Variants in DCC observed in about 807,000 individuals in gnomAD.
DCC encodes netrin receptor DCC.
A neutral mutation model predicts 172.5 loss-of-function variants in DCC; 58 were observed. That is an observed-to-expected ratio of 0.34 (90% CI 0.27 to 0.42). The LOEUF (loss-of-function observed/expected upper bound fraction) is 0.42, where lower values mean the gene tolerates loss of function less well. Among genes scored for constraint, DCC ranks in the 10% least tolerant of loss-of-function variants. The pLI is 1.00. For synonymous variants in DCC, 709 were observed against 644.5 expected (o/e 1.10, Z -1.52); for missense variants, 1,740 against 1,791.0 (o/e 0.97, Z 0.51).
chr18:53,116,347 C>T lies in DCC; in HGVS notation c.1262-41009C>T, dbSNP rs188355260. Among the ~76,000 whole-genome samples the T allele has an allele frequency of 9.4e-4, 142 of 151,738 alleles. 1 individual carries two copies. The East Asian group carries it at 0.011, about 12-fold the overall frequency. ...AGGATTCCATTGTTTATTTGGGATA[C>T]GCCTTATGTAAATGGAGAGGAAGAA... is the stretch of plus-strand genomic sequence containing the variant. On this transcript the variant is annotated intron_variant, in intron 7 of 28. Transcript: ENST00000442544.
At chr18:52,658,373 T>C (rs1335800225) in intron 1 of DCC, among the ~76,000 whole-genome samples, 1 of 152,184 alleles carries the variant, frequency 6.6e-6, no homozygotes, top group Non-Finnish European at 1.5e-5. Flanking sequence ...AATGATCAAA[T>C]AGCCAAATTT....
intron 1 of DCC, among the ~76,000 whole-genome samples, chr18:52,549,651 T>G (rs528069602): frequency 6.6e-6 from 1 of 152,200 alleles, no homozygotes; most frequent in African/African-American, 2.4e-5. Context: ...TCATTTGAAT[T>G]GTTAATTTCA....
At chr18:53,227,922 C>T (rs1457876137) in intron 12 of DCC, among the ~76,000 whole-genome samples, 1 of 152,070 alleles carries the variant, frequency 6.6e-6, no homozygotes, top group Non-Finnish European at 1.5e-5. Flanking sequence ...GTTGAAGAGA[C>T]TCACACAAAA....
intron 8 of DCC, among the ~76,000 whole-genome samples, chr18:53,176,714 C>G (rs935598677): frequency 6.6e-6 from 1 of 151,634 alleles, no homozygotes; most frequent in Non-Finnish European, 1.5e-5. Context: ...AATAGGAACA[C>G]TTTTACACTG....
intron 7 of DCC, among the ~76,000 whole-genome samples, chr18:53,067,784 C>G (rs558034025): frequency 6.6e-6 from 1 of 152,262 alleles, no homozygotes; most frequent in East Asian, 1.9e-4. Context: ...CAGTTTTCTT[C>G]CTTTTGACAT....
intron 5 of DCC, among the ~76,000 whole-genome samples, chr18:53,007,139 G>A (rs997059607): frequency 4.6e-5 from 7 of 152,110 alleles, no homozygotes; most frequent in African/African-American, 1.7e-4. Context: ...TTTATACATA[G>A]AACAAAATTA....
At chr18:52,798,078 A>AAGGTTGCTTGCACAAAGGTTGCTTGCACG in intron 2 of DCC, among the ~76,000 whole-genome samples, 1 of 149,990 alleles carries the variant, frequency 6.7e-6, no homozygotes, top group Non-Finnish European at 1.5e-5. Flanking sequence ...TTGCTTGCAC[A>AAGGTTGCTTGCACAAAGGTTGCTTGCACG]AAGGCTACAC....
chr18:53,048,856 A>T (rs2042295774), intron 5 of DCC, among the ~76,000 whole-genome samples: 1 of 151,482 alleles, frequency 6.6e-6, no homozygotes, highest in African/African-American at 2.4e-5. Flanking sequence ...TTATTTTTTG[A>T]CTTTTTAATA....
At chr18:52,449,874 T>G (rs1278476231) in intron 1 of DCC, among the ~76,000 whole-genome samples, 2 of 152,182 alleles carry the variant, frequency 1.3e-5, no homozygotes, top group East Asian at 3.8e-4. Flanking sequence ...TGCTCTTCCT[T>G]CATCTTCTGC....
intron 1 of DCC, among the ~76,000 whole-genome samples, chr18:52,750,921 C>T (rs1009774610): frequency 5.3e-5 from 8 of 151,820 alleles, no homozygotes; most frequent in African/African-American, 1.7e-4. Flanking sequence ...AAGACTAAAA[C>T]ATAATTTAGG....
intron 16 of DCC, among the ~76,000 whole-genome samples, chr18:53,388,973 G>T (rs1908367449): frequency 6.6e-6 from 1 of 151,922 alleles, no homozygotes; most frequent in African/African-American, 2.4e-5. Context: ...TGTTTGAGAT[G>T]GAGTCTTGCT....
At chr18:52,541,413 AT>A (rs1175108676) in intron 1 of DCC, among the ~76,000 whole-genome samples, 3 of 152,192 alleles carry the variant, frequency 2.0e-5, no homozygotes, top group Non-Finnish European at 4.4e-5. Context: ...GTGGATTAAA[AT>A]TTTTAACCTC....
Position 53,107,546 on chromosome 18 carries a change from A to AAAG in DCC, c.1261+41382_1261+41383insGAA, listed in dbSNP as rs1228995507. ...CAAAAAAAAAAAAAAGGAAGGAAAA[A>AAAG]AAAAAAAAGAGGAAGACGTGGTTCC... is the stretch of plus-strand genomic sequence containing the variant. On this transcript the variant is annotated intron_variant, in intron 7 of 28. Transcript: ENST00000442544. 8.9e-4 allele frequency among the ~76,000 whole-genome samples: 134 copies of AAAG among 151,396 alleles called. 1 individual carries two copies. The highest frequency in any genetic ancestry group is 3.1e-3 in the African/African-American group (129 of 41,338).
chr18:52,981,506 C>A (rs1347046910), intron 5 of DCC, among the ~76,000 whole-genome samples: 1 of 151,796 alleles, frequency 6.6e-6, no homozygotes, highest in East Asian at 1.9e-4. Context: ...GGCCTGTTTT[C>A]TTTTCCATTC....
intron 1 of DCC, among the ~76,000 whole-genome samples, chr18:52,485,429 G>A (rs2030170961): frequency 6.6e-6 from 1 of 152,100 alleles, no homozygotes; most frequent in East Asian, 1.9e-4. Flanking sequence ...TAGGAGGTTT[G>A]AATGCAGAAT....
At chr18:53,330,979 AT>A (rs1302338485) in intron 14 of DCC, among the ~76,000 whole-genome samples, 1 of 152,218 alleles carries the variant, frequency 6.6e-6, no homozygotes. Flanking sequence ...TAAAATATTC[AT>A]AGCTGGGTAT....
intron 1 of DCC, among the ~76,000 whole-genome samples, chr18:52,342,128 A>T (rs1169221336): frequency 6.6e-6 from 1 of 152,084 alleles, no homozygotes; most frequent in Non-Finnish European, 1.5e-5. Flanking sequence ...GTCGCGAGGG[A>T]TTCAGACAGT....
At position 52,914,088 on chromosome 18, in the gene DCC, G is replaced by T. The variant is rs573539640; in HGVS notation, c.697+7760G>T. On this transcript the variant is annotated intron_variant, in intron 3 of 28. Coordinates refer to ENST00000442544, the MANE Select transcript of DCC (RefSeq NM_005215.4). ...ATTGCTTTTCTGGAAAGTTTTTAAT[G>T]CTGCTTTATGCATGTATCTATACAT... 3.3e-5 allele frequency among the ~76,000 whole-genome samples: 5 copies of T among 152,074 alleles called. No individual in the cohort carries two copies. In the East Asian group the frequency reaches 9.7e-4, roughly 29 times the overall value.
At chr18:53,102,249 C>G (rs1042338293) in intron 7 of DCC, among the ~76,000 whole-genome samples, 1 of 152,078 alleles carries the variant, frequency 6.6e-6, no homozygotes, top group Non-Finnish European at 1.5e-5. Context: ...GCTACTATTT[C>G]GTGACTACTT....
Sources: allele counts gnomAD v4.1 joint callset (sites outside exome capture counted in the v4.1 genomes callset), GRCh38; gene constraint gnomAD v4.1.1; transcripts MANE v1.5; gene names NCBI Gene and HGNC (gene_info 2026-07-23, HGNC 2026-07-21).